Variants in MARK2 observed in about 807,000 individuals in gnomAD.
The protein encoded by MARK2 is microtubule affinity regulating kinase 2, also known as serine/threonine-protein kinase MARK2.
Under a neutral mutation model 89.8 loss-of-function variants are expected in MARK2, and 16 were observed. The ratio of observed to expected loss-of-function variants is 0.18; its 90% CI spans 0.12 to 0.27. The LOEUF (loss-of-function observed/expected upper bound fraction) is 0.27. Among genes scored for constraint, MARK2 ranks in the 10% least tolerant of loss-of-function variants. The pLI is 1.00. For missense variants in MARK2, 621 were observed against 1,049.9 expected (o/e 0.59, Z 5.65); for synonymous variants, 382 against 399.5 (o/e 0.96, Z 0.52).
intron 1 of MARK2, among the ~76,000 whole-genome samples, chr11:63,850,752 A>T (rs557706913): frequency 6.6e-6 from 1 of 152,282 alleles, no homozygotes; most frequent in East Asian, 1.9e-4. Context: ...GGGAAGCCCT[A>T]GGGTGGTTCT....
rs200493130 is a variant in MARK2 at position 63,903,120 on chromosome 11, C to A, written c.1476C>A (p.Ala492=). The A allele has an allele frequency of 8.1e-6, 13 of 1,613,812 alleles. No individual in the cohort carries two copies. In the Admixed American group the frequency reaches 2.0e-4, roughly 25 times the overall value. ...GGAATTCCCCACTTTTGGAGCGGGC[C>A]AGCCTCGGCCAGGCCTCCATCCAGA... ...RSRNSPLLER[A]SLGQASIQNG... is the part of the protein sequence containing the mutation. The change falls in exon 14 of 19, where the codon GCC becomes GCA. Residue 492 remains alanine (A), a synonymous_variant. Transcript: ENST00000402010. This position sits in a 1 kb window ranked among gnomAD's most constrained non-coding sequence, Gnocchi z 5.1.
intron 1 of MARK2, among the ~76,000 whole-genome samples, chr11:63,845,388 A>G (rs1420557058): frequency 6.6e-6 from 1 of 152,212 alleles, no homozygotes; most frequent in African/African-American, 2.4e-5. Context: ...GTGGAAGTTC[A>G]GCAAAATGAC....
At chr11:63,842,534 AAAGAC>A (rs1403133802) in intron 1 of MARK2, among the ~76,000 whole-genome samples, 1 of 152,114 alleles carries the variant, frequency 6.6e-6, no homozygotes, top group African/African-American at 2.4e-5. Flanking sequence ...AAACGGGAAA[AAAGAC>A]AAGCAGCAGC....
chr11:63,909,918 G>GCACAAGGCTCCGCCTCCCTC lies in MARK2; in HGVS notation c.*686_*705dup. On this transcript the variant is annotated 3_prime_UTR_variant, in exon 19 of 19. Transcript: ENST00000402010. ...CGGGGCTGCTGAGGCTGGAGGGCCG[G>GCACAAGGCTCCGCCTCCCTC]CACAAGGCTCCGCCTCCCTCCACAC... is the stretch of plus-strand genomic sequence containing the variant. 6.5e-6 allele frequency: 1 copy of GCACAAGGCTCCGCCTCCCTC among 152,726 alleles called. No homozygotes were observed. The highest frequency in any genetic ancestry group is 1.9e-4 in the East Asian group (1 of 5,204). 9.5% of individuals were successfully genotyped at this position (152,726 alleles called of 1,614,324 possible). A position where few individuals can be genotyped will look rare whatever the true frequency, so the allele number is the denominator to read the frequency against.
chr11:63,854,735 T>C (rs1036855454), intron 1 of MARK2, among the ~76,000 whole-genome samples: 4 of 147,480 alleles, frequency 2.7e-5, no homozygotes, highest in African/African-American at 1.0e-4. Context: ...CTCGGGAGGC[T>C]GAGGCAGGAG....
At chr11:63,862,289 A>G (rs1249237555) in intron 1 of MARK2, among the ~76,000 whole-genome samples, 1 of 152,178 alleles carries the variant, frequency 6.6e-6, no homozygotes, top group Admixed American at 6.6e-5. Context: ...AGGCCCAGAA[A>G]TGTTGAATAA....
intron 1 of MARK2, among the ~76,000 whole-genome samples, chr11:63,875,540 CT>C (rs1938698317): frequency 6.6e-6 from 1 of 152,190 alleles, no homozygotes; most frequent in South Asian, 2.1e-4. Context: ...GTGTGAGACA[CT>C]GTGGCCAACT....
At chr11:63,839,693 TG>T in intron 1 of MARK2, 133 bp downstream of exon 1, 1 of 654,612 alleles carries the variant, frequency 1.5e-6, no homozygotes, top group Non-Finnish European at 2.6e-6. Flanking sequence ...ATCCGGCTCC[TG>T]GCTCCGGCTC....
At chr11:63,882,319 C>T (rs1434421639) in intron 1 of MARK2, among the ~76,000 whole-genome samples, 1 of 151,968 alleles carries the variant, frequency 6.6e-6, no homozygotes, top group Non-Finnish European at 1.5e-5. Context: ...CTTAGTGGCT[C>T]ACACCTGTAA....
At chr11:63,885,170 G>C (rs570637296) in intron 1 of MARK2, among the ~76,000 whole-genome samples, 1 of 152,196 alleles carries the variant, frequency 6.6e-6, no homozygotes, top group South Asian at 2.1e-4. Context: ...TCCAGCCCGG[G>C]CAACAGAGCA....
intron 18 of MARK2, 29 bp from the exon 19 acceptor site, chr11:63,908,848 C>G: frequency 7.0e-7 from 1 of 1,435,284 alleles, no homozygotes; most frequent in Non-Finnish European, 9.2e-7. Context: ...TCAGCCCCCC[C>G]GTGACGCCCG....
chr11:63,868,066 A>G (rs1232582579), intron 1 of MARK2, among the ~76,000 whole-genome samples: 1 of 152,172 alleles, frequency 6.6e-6, no homozygotes, highest in Non-Finnish European at 1.5e-5. Context: ...TCACCTCTTA[A>G]TGAATTATTT....
chr11:63,864,061 C>T (rs1383301467), intron 1 of MARK2, among the ~76,000 whole-genome samples: 6 of 152,022 alleles, frequency 3.9e-5, no homozygotes, highest in Non-Finnish European at 8.8e-5. Context: ...TCATGACATT[C>T]TCCTGCCTCA....
At chr11:63,868,110 G>T (rs2135257021) in intron 1 of MARK2, among the ~76,000 whole-genome samples, 1 of 152,270 alleles carries the variant, frequency 6.6e-6, no homozygotes, top group Admixed American at 6.5e-5. Context: ...TGTAACATGA[G>T]GCTGGGTGTG....
intron 1 of MARK2, among the ~76,000 whole-genome samples, chr11:63,857,891 A>G (rs2096317487): frequency 6.6e-6 from 1 of 151,920 alleles, no homozygotes; most frequent in African/African-American, 2.4e-5. Context: ...CACCCGGGTT[A>G]GAGTGGAATG....
rs1289345996 is a variant in MARK2 at position 63,856,957 on chromosome 11, G to GC, written c.54+17403dup. On this transcript the variant is annotated intron_variant, in intron 1 of 18. Transcript: ENST00000402010. ...CGAGTAGCTGGGAGGGACTACAGGC[G>GC]CCCCCCACCATGCCCGGCTAATTTT... 5.3e-5 allele frequency among the ~76,000 whole-genome samples: 8 copies of GC among 150,698 alleles called. No homozygotes were observed. The East Asian group carries it at 9.8e-4, about 19-fold the overall frequency.
At position 63,902,781 on chromosome 11, in the gene MARK2, C is replaced by T. The variant is rs1310040297; in HGVS notation, c.1415C>T (p.Thr472Met). Residue 472 changes from threonine (T) to methionine (M), a missense_variant and splice_region_variant, in exon 13 of 19, where the codon ACG (threonine) becomes ATG (methionine). Transcript: ENST00000402010. This position sits in a 1 kb window ranked among gnomAD's most constrained non-coding sequence, Gnocchi z 4.2. ...ERKKTTPTPSTNSVLSTSTNR... is the reference protein window; with the variant it reads ...ERKKTTPTPSMNSVLSTSTNR... Reference sequence around the variant, plus strand: ...AAGAAGACCACCCCAACCCCCTCCACGGTGAGCCGCACCCCCCGCTCTCTC... The same window carrying T: ...AAGAAGACCACCCCAACCCCCTCCATGGTGAGCCGCACCCCCCGCTCTCTC... 4 of 1,608,244 alleles carry T rather than the reference C, an allele frequency of 2.5e-6. No individual in the cohort carries two copies. Among genetic ancestry groups the T allele is most frequent in the East Asian group, 2.2e-5 (1 of 44,854 alleles).
chr11:63,901,422 G>GTGTGTGTGTGTGTGT (rs1940855048), intron 11 of MARK2, among the ~76,000 whole-genome samples: 2 of 139,588 alleles, frequency 1.4e-5, no homozygotes, highest in African/African-American at 5.5e-5. Context: ...TACATTTCTG[G>GTGTGTGTGTGTGTGT]GTGTGTGTGT....
intron 4 of MARK2, 80 bp from the exon 5 acceptor site, chr11:63,898,528 A>G (rs568301554): frequency 2.6e-6 from 3 of 1,148,308 alleles, no homozygotes; most frequent in Non-Finnish European, 3.9e-6. Flanking sequence ...TTTCGTTCCT[A>G]GGATGCTCCT....
Sources: gnomAD v4.1 joint callset for allele counts (sites outside exome capture counted in the v4.1 genomes callset) on GRCh38, gnomAD v4.1.1 for gene constraint, Gnocchi (gnomAD v3.1) non-coding constraint, MANE v1.5 for transcripts, NCBI Gene and HGNC (gene_info 2026-07-23, HGNC 2026-07-21) for gene names.